The following PDZRN4 variants were observed in gnomAD, a reference collection of about 807,000 sequenced individuals.
The protein encoded by PDZRN4 is PDZ domain containing ring finger 4.
PDZRN4 carries 70 observed loss-of-function variants against 99.0 expected under a neutral mutation model. The observed-to-expected ratio is 0.71, with a 90% confidence interval of 0.58 to 0.86. The LOEUF (loss-of-function observed/expected upper bound fraction) is 0.86. Ranked by LOEUF, PDZRN4 falls within the 40% of genes least tolerant of loss-of-function variation. The pLI, the probability that PDZRN4 is intolerant of heterozygous loss-of-function variation, is 0.00. For missense variants in PDZRN4, 1,474 were observed against 1,331.2 expected (o/e 1.11, Z -1.67); for synonymous variants, 551 against 501.6 (o/e 1.10, Z -1.32).
At position 41,328,648 on chromosome 12, in the gene PDZRN4, T is replaced by A. The variant is rs180929993; in HGVS notation, c.843+134460T>A. On this transcript the variant is annotated intron_variant, in intron 3 of 9. Coordinates refer to ENST00000402685, the MANE Select transcript of PDZRN4 (RefSeq NM_001164595.2). ...TGTCTGGATCTTCCCAAGAAAGAGG[T>A]GTCTAAGTTCTTTCTAAGAGCCCAT... Among the ~76,000 whole-genome samples, 359 of 152,274 alleles carry A rather than the reference T, an allele frequency of 2.4e-3. 1 individual carries two copies. The highest frequency in any genetic ancestry group is 3.5e-3 in the Non-Finnish European group (241 of 68,012).
chr12:41,422,571 C>T (rs555951111), intron 3 of PDZRN4, among the ~76,000 whole-genome samples: 1 of 152,052 alleles, frequency 6.6e-6, no homozygotes, highest in African/African-American at 2.4e-5. Context: ...GAAGCAAGGA[C>T]CTTCTTCACA....
chr12:41,469,292 G>A lies in PDZRN4; in HGVS notation c.844-37164G>A, dbSNP rs920156295. ...AGTTGTAAAAGGAATACTGTAATTC[G>A]TGAAATAATTGGATAATTTGATATT... On this transcript the variant is annotated intron_variant, in intron 3 of 9. Coordinates refer to ENST00000402685, the MANE Select transcript of PDZRN4 (RefSeq NM_001164595.2). 5.3e-5 allele frequency among the ~76,000 whole-genome samples: 8 copies of A among 152,264 alleles called. No homozygotes were observed. The East Asian group carries it at 1.5e-3, about 29-fold the overall frequency.
intron 3 of PDZRN4, among the ~76,000 whole-genome samples, chr12:41,274,161 AG>A (rs1213456287): frequency 6.6e-6 from 1 of 152,082 alleles, no homozygotes; most frequent in African/African-American, 2.4e-5. Context: ...GTCAAAAAGT[AG>A]GTCATCCTAA....
At chr12:41,319,776 C>A (rs1951662347) in intron 3 of PDZRN4, among the ~76,000 whole-genome samples, 2 of 152,128 alleles carry the variant, frequency 1.3e-5, no homozygotes, top group African/African-American at 4.8e-5. Flanking sequence ...ACAACAAAAA[C>A]AAAAAACATA....
chr12:41,212,181 A>G (rs1950892611), intron 3 of PDZRN4, among the ~76,000 whole-genome samples: 1 of 152,018 alleles, frequency 6.6e-6, no homozygotes, highest in Admixed American at 6.6e-5. Flanking sequence ...AAAGGGATAT[A>G]AACCTTCATA....
chr12:41,246,737 A>T (rs11180454), intron 3 of PDZRN4, among the ~76,000 whole-genome samples: 86,112 of 151,954 alleles, frequency 0.57, 24,490 homozygotes, highest in East Asian at 0.65. Context: ...AACAGCAAAT[A>T]TGAGTTCAAC....
intron 3 of PDZRN4, among the ~76,000 whole-genome samples, chr12:41,314,266 T>C (rs1951624926): frequency 6.6e-6 from 1 of 152,200 alleles, no homozygotes; most frequent in Admixed American, 6.5e-5. Flanking sequence ...ATTTGGTTTA[T>C]CATCACAGCA....
chr12:41,491,138 A>C (rs929748761), intron 3 of PDZRN4, among the ~76,000 whole-genome samples: 1 of 152,062 alleles, frequency 6.6e-6, no homozygotes, highest in Non-Finnish European at 1.5e-5. Flanking sequence ...TTTTATCCCA[A>C]TATGTGAGTC....
chr12:41,277,149 T>C (rs764426206), intron 3 of PDZRN4, among the ~76,000 whole-genome samples: 3 of 152,124 alleles, frequency 2.0e-5, no homozygotes, highest in South Asian at 2.1e-4. Context: ...AGCAGAACAA[T>C]GAAAATGCAA....
chr12:41,439,193 A>T (rs1252955783), intron 3 of PDZRN4, among the ~76,000 whole-genome samples: 1 of 152,216 alleles, frequency 6.6e-6, no homozygotes, highest in African/African-American at 2.4e-5. Context: ...TTATCACCAT[A>T]GACAGGAAAA....
At chr12:41,515,461 G>T (rs760884721) in intron 5 of PDZRN4, among the ~76,000 whole-genome samples, 3 of 151,914 alleles carry the variant, frequency 2.0e-5, no homozygotes, top group African/African-American at 4.8e-5. Context: ...CATAAGTGCC[G>T]TTCCTTTGGG....
chr12:41,255,049 T>TAAAGA (rs1428945586), intron 3 of PDZRN4, among the ~76,000 whole-genome samples: 2 of 151,932 alleles, frequency 1.3e-5, no homozygotes, highest in African/African-American at 2.4e-5. Flanking sequence ...CCCTCCAGCA[T>TAAAGA]AAAGAAAAGA....
At chr12:41,490,041 A>G (rs1036026271) in intron 3 of PDZRN4, among the ~76,000 whole-genome samples, 15 of 151,780 alleles carry the variant, frequency 9.9e-5, no homozygotes, top group Admixed American at 9.9e-4. Context: ...CAGCTTTACC[A>G]CTTGTTGTGT....
At chr12:41,477,825 T>C in intron 3 of PDZRN4, 1 of 1,263,344 alleles carries the variant, frequency 7.9e-7, no homozygotes, top group Non-Finnish European at 1.1e-6. Flanking sequence ...TGATTTTGAT[T>C]ATGAAATGCT....
chr12:41,467,226 A>G (rs1204554627), intron 3 of PDZRN4, among the ~76,000 whole-genome samples: 2 of 152,226 alleles, frequency 1.3e-5, no homozygotes, highest in Admixed American at 6.5e-5. Context: ...GTTTCAACTC[A>G]GTACATGGTA....
rs1269928149 is a variant in PDZRN4 at position 41,553,342 on chromosome 12, G to C, written c.1302+588G>C. Among the ~76,000 whole-genome samples the C allele has an allele frequency of 2.0e-5, 3 of 152,356 alleles. No homozygotes were observed. The East Asian group carries it at 5.8e-4, about 29-fold the overall frequency. ...TTAGTGTTCATTCCTTTTAAAGACT[G>C]TGAAGCAAATTGTATTACAAGAGAT... On this transcript the variant is annotated intron_variant, in intron 6 of 9. Transcript: ENST00000402685.
intron 5 of PDZRN4, among the ~76,000 whole-genome samples, chr12:41,533,450 G>A (rs1938697624): frequency 6.6e-6 from 1 of 152,196 alleles, no homozygotes; most frequent in African/African-American, 2.4e-5. Context: ...TGGGATTACA[G>A]GCGTGAGCCA....
At chr12:41,565,603 C>T (rs192755660) in intron 8 of PDZRN4, among the ~76,000 whole-genome samples, 24 of 151,486 alleles carry the variant, frequency 1.6e-4, no homozygotes, top group Admixed American at 9.2e-4. Flanking sequence ...ACATTTTTAA[C>T]GTTTCAAATA....
intron 3 of PDZRN4, among the ~76,000 whole-genome samples, chr12:41,325,840 T>C (rs34801048): frequency 0.093 from 14,145 of 152,254 alleles, 745 homozygotes; most frequent in South Asian, 0.13. Flanking sequence ...TTAAAGTGCA[T>C]GTCTTGGAAA....
Sources: gnomAD v4.1 joint callset for allele counts (sites outside exome capture counted in the v4.1 genomes callset) on GRCh38, gnomAD v4.1.1 for gene constraint, MANE v1.5 for transcripts, NCBI Gene and HGNC (gene_info 2026-07-23, HGNC 2026-07-21) for gene names.